TVP23C: variants seen among roughly 807,000 people sequenced by gnomAD.
TVP23C encodes Golgi apparatus membrane protein TVP23 homolog C.
TVP23C carries 19 observed loss-of-function variants against 28.7 expected under a neutral mutation model. The ratio of observed to expected loss-of-function variants is 0.66; its 90% CI spans 0.46 to 0.97. The LOEUF (loss-of-function observed/expected upper bound fraction) is 0.97, where lower values mean the gene tolerates loss of function less well. Among genes scored for constraint, TVP23C ranks in the 50% least tolerant of loss-of-function variants. The pLI is 0.00. For synonymous variants in TVP23C, 68 were observed against 81.7 expected, an observed-to-expected ratio of 0.83 and a Z score of 0.90; for missense variants, 186 against 241.3, an observed-to-expected ratio of 0.77 and a Z score of 1.52.
intron 3 of TVP23C, among the ~76,000 whole-genome samples, chr17:15,547,934 A>C (rs1983715422): frequency 1.3e-5 from 2 of 152,208 alleles, no homozygotes; most frequent in Non-Finnish European, 1.5e-5. Context: ...GGTGTCCACT[A>C]ATAGATTCAG....
At chr17:15,557,548 C>A (rs948286051) in intron 1 of TVP23C, among the ~76,000 whole-genome samples, 6 of 148,870 alleles carry the variant, frequency 4.0e-5, no homozygotes, top group African/African-American at 9.7e-5. Context: ...ATCCGCCCAC[C>A]TCACCCCCCC....
At chr17:15,562,534 G>A (rs1471622827) in intron 1 of TVP23C, 1 of 151,954 alleles carries the variant, frequency 6.6e-6, no homozygotes, top group African/African-American at 2.4e-5. Flanking sequence ...CTCTTTTCGG[G>A]TCTGGATCGG....
At position 15,549,905 on chromosome 17, in the gene TVP23C, T is replaced by C. The variant is rs548444858; in HGVS notation, c.241-2757A>G. Among the ~76,000 whole-genome samples, 217 of 151,176 alleles carry C rather than the reference T, an allele frequency of 1.4e-3. 2 individuals carry two copies. The highest frequency in any genetic ancestry group is 4.9e-3 in the African/African-American group (202 of 41,194). On this transcript the variant is annotated intron_variant, in intron 3 of 5. Coordinates refer to ENST00000518321, the MANE Select transcript of TVP23C (RefSeq NM_001135036.2). ...GAGTCTTATGAGACCAAAATTCCTA[T>C]GGGAGAGATGCTAAGTAAAAAAAAA...
intron 5 of TVP23C, among the ~76,000 whole-genome samples, chr17:15,520,624 T>A (rs1222500075): frequency 1.3e-5 from 2 of 151,906 alleles, no homozygotes; most frequent in African/African-American, 4.8e-5. Flanking sequence ...CTGGTTCTTG[T>A]TATCACATTA....
intron 2 of TVP23C, 33 bp downstream of exon 2, chr17:15,555,249 C>T (rs1411816569): frequency 6.8e-6 from 11 of 1,613,756 alleles, no homozygotes; most frequent in Non-Finnish European, 9.3e-6. Context: ...CAACACTGGA[C>T]ACTAACACAG....
intron 5 of TVP23C, among the ~76,000 whole-genome samples, chr17:15,541,092 G>A (rs1983393990): frequency 6.6e-6 from 1 of 152,168 alleles, no homozygotes; most frequent in Non-Finnish European, 1.5e-5. Flanking sequence ...TCCCCGAGGA[G>A]AGAGACAGCT....
At chr17:15,560,820 C>T (rs1165514648) in intron 1 of TVP23C, among the ~76,000 whole-genome samples, 1 of 149,954 alleles carries the variant, frequency 6.7e-6, no homozygotes, top group Admixed American at 6.7e-5. Flanking sequence ...TCCCAAAGTG[C>T]TGGGATTACA....
intron 3 of TVP23C, among the ~76,000 whole-genome samples, chr17:15,550,100 G>C (rs1983823572): frequency 1.3e-5 from 2 of 151,890 alleles, no homozygotes; most frequent in African/African-American, 2.4e-5. Context: ...GCTTGTTTTT[G>C]AAATTTCTGG....
At chr17:15,504,438 A>C (rs1382589245) in intron 5 of TVP23C, among the ~76,000 whole-genome samples, 1 of 152,202 alleles carries the variant, frequency 6.6e-6, no homozygotes, top group Non-Finnish European at 1.5e-5. Flanking sequence ...ACATAAAAAT[A>C]AGGAGTTGCT....
exon 6 of TVP23C, chr17:15,502,821 TCTC>T: frequency 6.6e-7 from 1 of 1,525,176 alleles, no homozygotes; most frequent in East Asian, 2.3e-5. Flanking sequence ...TCTCTCTCTC[TCTC>T]TCTCTCTCCT....
chr17:15,545,972 C>T (rs1439996147), intron 4 of TVP23C, 56 bp from the exon 5 acceptor site: 1 of 1,579,174 alleles, frequency 6.3e-7, no homozygotes, highest in Admixed American at 1.9e-5. Flanking sequence ...ATAAAAAGTT[C>T]AACATATTTA....
At position 15,539,003 on chromosome 17, in the gene TVP23C, G is replaced by C. The variant is rs917567; in HGVS notation, c.*1409C>G. ...ATAAATTTTGAGTACAGAGGGCTGG[G>C]TTTAAGATCTAGCTTTGTACCACTA... On this transcript the variant is annotated 3_prime_UTR_variant, in exon 6 of 6. Coordinates refer to ENST00000518321, the MANE Select transcript of TVP23C (RefSeq NM_001135036.2). The C allele has an allele frequency of 2.0e-6, 2 of 985,228 alleles. No individual in the cohort carries two copies. The highest frequency in any genetic ancestry group is 1.2e-6 in the Non-Finnish European group (1 of 829,682). The allele number at this position is 985,228 out of a possible 1,614,324, so 61.0% of individuals were successfully genotyped here. A position where few individuals can be genotyped will look rare whatever the true frequency, so the allele number is the denominator to read the frequency against.
At chr17:15,535,218 T>C (rs912131344), downstream of TVP23C, among the ~76,000 whole-genome samples, 1 of 152,204 alleles carries the variant, frequency 6.6e-6, no homozygotes. Flanking sequence ...CTGGGCTCTA[T>C]GTACCCTTCT....
Position 15,524,063 on chromosome 17 carries a change from GGTGTGTGTGT to G in TVP23C, c.463-20841_463-20832del, listed in dbSNP as rs10578424. 4.6e-3 allele frequency among the ~76,000 whole-genome samples: 626 copies of G among 136,348 alleles called. 4 individuals are homozygous for G. Among genetic ancestry groups the G allele is most frequent in the East Asian group, 0.036 (166 of 4,610 alleles). The allele number at this position is 136,348 out of a possible 152,430, so 89.4% of individuals were successfully genotyped here. On this transcript the variant is annotated intron_variant, in intron 5 of 5. Coordinates refer to the TVP23C transcript ENST00000225576. ...GTTTGTTGTGGTTGTAGCAGAGTGGGGTGTGTGTGTGTGTGTGTGTGTGTGTGTGTGTGTG... is the reference window on the plus strand; with the variant it reads ...GTTTGTTGTGGTTGTAGCAGAGTGGGGTGTGTGTGTGTGTGTGTGTGTGTG...
At chr17:15,532,252 T>C (rs1201449181), downstream of TVP23C, among the ~76,000 whole-genome samples, 1 of 152,228 alleles carries the variant, frequency 6.6e-6, no homozygotes, top group East Asian at 1.9e-4. Context: ...TTGCCACCAA[T>C]TGTTTATAAC....
At chr17:15,546,384 G>T (rs1983648161) in intron 4 of TVP23C, among the ~76,000 whole-genome samples, 1 of 152,010 alleles carries the variant, frequency 6.6e-6, no homozygotes, top group Admixed American at 6.5e-5. Flanking sequence ...AATTTACAAG[G>T]GTGGTAAGTT....
chr17:15,518,762 C>G (rs958967766), intron 5 of TVP23C, among the ~76,000 whole-genome samples: 2 of 152,170 alleles, frequency 1.3e-5, no homozygotes, highest in African/African-American at 4.8e-5. Context: ...GCCCAGAATA[C>G]AAGAGGGAGA....
chr17:15,553,578 T>C (rs562253496), intron 3 of TVP23C, 107 bp downstream of exon 3: 1 of 1,401,152 alleles, frequency 7.1e-7, no homozygotes. Context: ...TCAACACAGA[T>C]GAGGTTTGAA....
intron 5 of TVP23C, among the ~76,000 whole-genome samples, chr17:15,522,431 C>T (rs930780109): frequency 6.6e-6 from 1 of 151,974 alleles, no homozygotes; most frequent in Non-Finnish European, 1.5e-5. Flanking sequence ...AAAAAATAGA[C>T]CTATTCACAC....
Sources: allele counts gnomAD v4.1 joint callset (sites outside exome capture counted in the v4.1 genomes callset), GRCh38; gene constraint gnomAD v4.1.1; transcripts MANE v1.5; gene names NCBI Gene and HGNC (gene_info 2026-07-23, HGNC 2026-07-21).